IQCJ: variants seen among roughly 807,000 people sequenced by gnomAD.
IQCJ encodes IQ motif containing J.
Under a neutral mutation model 11.0 loss-of-function variants are expected in IQCJ, and 9 were observed. The observed-to-expected ratio is 0.82, with a 90% CI of 0.49 to 1.43. The LOEUF (loss-of-function observed/expected upper bound fraction) is 1.43. IQCJ is among the 40% of genes most tolerant of loss of function. The pLI, the probability that IQCJ is intolerant of heterozygous loss-of-function variation, is 0.00. For missense variants in IQCJ, 146 were observed against 133.2 expected (o/e 1.10, Z -0.47); for synonymous variants, 55 against 51.3 (o/e 1.07, Z -0.31).
chr3:159,235,238 T>C (rs943584182), intron 1 of IQCJ, among the ~76,000 whole-genome samples: 2 of 152,230 alleles, frequency 1.3e-5, no homozygotes, highest in African/African-American at 4.8e-5. Flanking sequence ...GTTGAATTTT[T>C]ATAGTTGTCC....
intron 1 of IQCJ, 83 bp from the exon 2 acceptor site, chr3:159,245,760 A>G (rs1727233586): frequency 8.3e-7 from 1 of 1,206,136 alleles, no homozygotes; most frequent in Non-Finnish European, 1.2e-6. Context: ...TGTTGTATCA[A>G]TTTTGCTAAC....
At chr3:159,102,551 C>G (rs1718001945) in intron 1 of IQCJ, among the ~76,000 whole-genome samples, 1 of 152,216 alleles carries the variant, frequency 6.6e-6, no homozygotes, top group South Asian at 2.1e-4. Context: ...TCACATGGGT[C>G]TGCATGGGTG....
In IQCJ at chr3:159,224,238, A is replaced by G. The variant is rs549828668; in HGVS notation, c.10-21605A>G. 2.0e-5 allele frequency among the ~76,000 whole-genome samples: 3 copies of G among 152,256 alleles called. 1 individual carries two copies. The highest frequency in any genetic ancestry group is 7.2e-5 in the African/African-American group (3 of 41,566). On this transcript the variant is annotated intron_variant, in intron 1 of 3. Coordinates refer to ENST00000397832, the MANE Select transcript of IQCJ (RefSeq NM_001042706.3). Reference sequence around the variant, plus strand: ...ATTTGGAGAGGCTCCCACTGCCCCAAAGTAGAACAATTTGAGTTATAGTAA... The same window carrying G: ...ATTTGGAGAGGCTCCCACTGCCCCAGAGTAGAACAATTTGAGTTATAGTAA...
chr3:159,179,102 T>C (rs1722951703), intron 1 of IQCJ, among the ~76,000 whole-genome samples: 1 of 152,194 alleles, frequency 6.6e-6, no homozygotes, highest in African/African-American at 2.4e-5. Context: ...ACAGGAGTTA[T>C]GCAAACTGGT....
chr3:159,213,214 C>A (rs1436814471), intron 1 of IQCJ, among the ~76,000 whole-genome samples: 1 of 152,182 alleles, frequency 6.6e-6, no homozygotes, highest in African/African-American at 2.4e-5. Context: ...TCTGTTCTTA[C>A]ACTAGTTGAC....
chr3:159,183,600 A>G (rs1723219792), intron 1 of IQCJ, among the ~76,000 whole-genome samples: 1 of 152,216 alleles, frequency 6.6e-6, no homozygotes, highest in Non-Finnish European at 1.5e-5. Flanking sequence ...GCCTTGAAAT[A>G]TCAAAGACTT....
chr3:159,132,892 C>T (rs531440396), intron 1 of IQCJ, among the ~76,000 whole-genome samples: 14 of 152,200 alleles, frequency 9.2e-5, no homozygotes, highest in Admixed American at 4.6e-4. Flanking sequence ...AGGAAATCTG[C>T]CTCCCTGGGC....
chr3:159,223,598 T>C (rs1725677904), intron 1 of IQCJ, among the ~76,000 whole-genome samples: 1 of 152,178 alleles, frequency 6.6e-6, no homozygotes, highest in Non-Finnish European at 1.5e-5. Flanking sequence ...TGTCCTGAAA[T>C]TGAATTAGAA....
chr3:159,171,498 G>T (rs1251985604), intron 1 of IQCJ, among the ~76,000 whole-genome samples: 1 of 152,092 alleles, frequency 6.6e-6, no homozygotes, highest in East Asian at 1.9e-4. Flanking sequence ...CTTCTAACAG[G>T]CTCCCAGGTA....
At chr3:159,164,101 A>C (rs908478359) in intron 1 of IQCJ, among the ~76,000 whole-genome samples, 5 of 152,234 alleles carry the variant, frequency 3.3e-5, no homozygotes, top group African/African-American at 1.2e-4. Context: ...TAGCTTGGCA[A>C]GTTAAATTCA....
At chr3:159,186,810 C>G (rs1332026937) in intron 1 of IQCJ, among the ~76,000 whole-genome samples, 1 of 152,236 alleles carries the variant, frequency 6.6e-6, no homozygotes, top group East Asian at 1.9e-4. Flanking sequence ...CAGGTCTAAA[C>G]CAGCACAGCA....
At chr3:159,168,400 T>C (rs1022809596) in intron 1 of IQCJ, among the ~76,000 whole-genome samples, 1 of 151,548 alleles carries the variant, frequency 6.6e-6, no homozygotes, top group African/African-American at 2.4e-5. Flanking sequence ...TTACTAATGA[T>C]CAATGGTTTT....
At chr3:159,247,816 A>T (rs573353530) in intron 2 of IQCJ, among the ~76,000 whole-genome samples, 2 of 152,288 alleles carry the variant, frequency 1.3e-5, no homozygotes, top group Admixed American at 1.3e-4. Flanking sequence ...TATGGCTTGC[A>T]TCATGGAAGA....
At chr3:159,172,316 A>G (rs1035770192) in intron 1 of IQCJ, among the ~76,000 whole-genome samples, 1 of 152,216 alleles carries the variant, frequency 6.6e-6, no homozygotes, top group African/African-American at 2.4e-5. Context: ...AATCTGAATA[A>G]AAAATGTATA....
At chr3:159,264,642 G>A (rs1420832911), downstream of IQCJ, among the ~76,000 whole-genome samples, 2 of 152,116 alleles carry the variant, frequency 1.3e-5, no homozygotes, top group Non-Finnish European at 2.9e-5. Flanking sequence ...TAAAAAGTGA[G>A]AATCAATGCC....
At chr3:159,255,305 A>G (rs1727835629) in intron 3 of IQCJ, among the ~76,000 whole-genome samples, 1 of 152,100 alleles carries the variant, frequency 6.6e-6, no homozygotes, top group Non-Finnish European at 1.5e-5. Context: ...GTTCCCATAC[A>G]GGGTGTCTGG....
intron 1 of IQCJ, among the ~76,000 whole-genome samples, chr3:159,213,037 C>T (rs1725037576): frequency 6.6e-6 from 1 of 152,016 alleles, no homozygotes; most frequent in African/African-American, 2.4e-5. Context: ...TCTTAGGCAG[C>T]AGCAAGGCAG....
intron 2 of IQCJ, among the ~76,000 whole-genome samples, chr3:159,251,057 AC>A (rs1727569205): frequency 6.6e-6 from 1 of 152,116 alleles, no homozygotes; most frequent in Non-Finnish European, 1.5e-5. Context: ...GACCCTGAAT[AC>A]CAATGGCACA....
intron 1 of IQCJ, among the ~76,000 whole-genome samples, chr3:159,129,237 C>A (rs903336719): frequency 2.6e-5 from 4 of 152,026 alleles, no homozygotes; most frequent in African/African-American, 9.7e-5. Flanking sequence ...CTGTAACTAG[C>A]AGAAAGTTGG....
Sources: gnomAD v4.1 joint callset for allele counts (sites outside exome capture counted in the v4.1 genomes callset) on GRCh38, gnomAD v4.1.1 for gene constraint, MANE v1.5 for transcripts, NCBI Gene and HGNC (gene_info 2026-07-23, HGNC 2026-07-21) for gene names.